The following ZNF185 variants were observed in gnomAD, a reference collection of about 807,000 sequenced individuals.
ZNF185 encodes zinc finger protein 185 with LIM domain, also known as zinc finger protein 185.
In ZNF185, 56 loss-of-function variants were observed where a neutral mutation model predicts 58.6. The observed-to-expected ratio is 0.95, with a 90% CI of 0.77 to 1.19. The LOEUF is 1.19. Among genes scored for constraint, ZNF185 ranks in the 50% most tolerant of loss-of-function variants. ZNF185 has a pLI of 0.00. For synonymous variants in ZNF185, 230 were observed against 215.9 expected, an observed-to-expected ratio of 1.07 and a Z score of -0.57; for missense variants, 627 against 573.5, an observed-to-expected ratio of 1.09 and a Z score of -0.95.
intron 16 of ZNF185, among the ~76,000 whole-genome samples, chrX:152,953,046 G>A (rs1556901434): frequency 9.1e-6 from 1 of 110,431 alleles, no homozygotes; most frequent in Non-Finnish European, 1.9e-5. Context: ...CGTCATCTGG[G>A]AGCCAAAGTT....
chrX:152,943,750 G>A lies in ZNF185; in HGVS notation c.1212-1517G>A, dbSNP rs547807729. ...AATCCTGGCTCTATCCACAGACTTG[G>A]TGAGGGCAACCTCTACTAGTGTATT... On this transcript the variant is annotated intron_variant, in intron 15 of 22. Transcript: ENST00000449285. Among the ~76,000 whole-genome samples the A allele has an allele frequency of 1.5e-3, 172 of 112,978 alleles. No individual in the cohort carries two copies. The Middle Eastern group carries it at 0.023, about 15-fold the overall frequency.
intron 17 of ZNF185, among the ~76,000 whole-genome samples, chrX:152,961,081 C>T (rs1226524400): frequency 8.9e-6 from 1 of 112,196 alleles, no homozygotes; most frequent in African/African-American, 3.2e-5. Flanking sequence ...GTCCACTTAA[C>T]TGATTTTGAC....
the ZNF185 span, among the ~76,000 whole-genome samples, chrX:152,899,892 T>G: frequency 0.018 from 2,032 of 111,369 alleles, 34 homozygotes; most frequent in African/African-American, 0.047. Context: ...ATAAACCACT[T>G]CTTGCTGAGC....
intron 11 of ZNF185, among the ~76,000 whole-genome samples, chrX:152,923,519 G>C (rs782820532): frequency 4.5e-5 from 5 of 112,339 alleles, no homozygotes; most frequent in Admixed American, 1.9e-4. Flanking sequence ...ATGTGGAAAG[G>C]AAGATTTGAG....
intron 16 of ZNF185, among the ~76,000 whole-genome samples, chrX:152,954,326 T>C (rs140488563): frequency 0.017 from 1,872 of 110,751 alleles, 50 homozygotes; most frequent in African/African-American, 0.058. Flanking sequence ...ATTGCAGCAC[T>C]TACTTAACCA....
In ZNF185 at chrX:152,952,287, T is replaced by C. The variant is rs782007065; in HGVS notation, c.1409+6823T>C. 4.4e-5 allele frequency among the ~76,000 whole-genome samples: 5 copies of C among 112,430 alleles called. No homozygotes were observed. The South Asian group carries it at 1.4e-3, about 33-fold the overall frequency. On this transcript the variant is annotated intron_variant, in intron 16 of 22. Coordinates refer to ENST00000449285, the Ensembl canonical transcript of ZNF185. Reference sequence around the variant, plus strand: ...TCTGTGAACTTGAGTTTTAAAAGCATTTGGGTTAGTTTTTATAAGAATACT... The same window carrying C: ...TCTGTGAACTTGAGTTTTAAAAGCACTTGGGTTAGTTTTTATAAGAATACT...
chrX:152,928,797 C>G lies in ZNF185; in HGVS notation c.917+136C>G, dbSNP rs1603233702. The G allele has an allele frequency of 9.9e-5, 60 of 603,761 alleles. No homozygotes were observed. In the South Asian group the frequency reaches 1.6e-3, roughly 16 times the overall value. The allele number at this position is 603,761 out of a possible 1,213,427, so 49.8% of individuals were successfully genotyped here. A position where few individuals can be genotyped will look rare whatever the true frequency, so the allele number is the denominator to read the frequency against. On this transcript the variant is annotated intron_variant, in intron 12 of 22. Transcript: ENST00000449285. ...CCAACAGGTTGATGGGAGGCATGGT[C>G]GACCTGGGTTTTCTGCCCCATCTCA...
chrX:152,941,870 C>T, intron 15 of ZNF185: 2 of 1,113,366 alleles, frequency 1.8e-6, no homozygotes, highest in Non-Finnish European at 2.4e-6. Flanking sequence ...TTTGGGGTGA[C>T]CGCGCGTGGA....
chrX:152,904,267 C>T, the ZNF185 span, among the ~76,000 whole-genome samples: 12 of 112,160 alleles, frequency 1.1e-4, no homozygotes, highest in East Asian at 1.1e-3. Flanking sequence ...GAGGCTCAGA[C>T]GGGATCCAGC....
intron 18 of ZNF185, 35 bp from the exon 21 acceptor site, chrX:152,965,412 G>A: frequency 2.6e-6 from 3 of 1,141,221 alleles, no homozygotes; most frequent in South Asian, 1.9e-5. Flanking sequence ...GAATCTTCTG[G>A]TGTACCTCTG....
At chrX:152,936,333 G>A in intron 14 of ZNF185, 85 bp from the exon 16 acceptor site, 1 of 792,457 alleles carries the variant, frequency 1.3e-6, no homozygotes, top group Non-Finnish European at 1.8e-6. Flanking sequence ...ATCATCTGTG[G>A]GGGGCAGGAT....
At position 152,953,207 on chromosome X, in the gene ZNF185, A is replaced by G. The variant is rs782329504; in HGVS notation, c.1410-6492A>G. ...ACCAAGAAAACTTCTATCCAGGACG[A>G]TTCTGGCTAAAATTGAAAAGGACCA... On this transcript the variant is annotated intron_variant, in intron 16 of 22. Coordinates refer to ENST00000449285, the Ensembl canonical transcript of ZNF185. 1.8e-4 allele frequency among the ~76,000 whole-genome samples: 20 copies of G among 111,822 alleles called. No individual in the cohort carries two copies. The South Asian group carries it at 7.6e-3, about 42-fold the overall frequency.
chrX:152,965,596 TTTCCAG>T, intron 19 of ZNF185, 69 bp downstream of exon 21: 1 of 956,740 alleles, frequency 1.0e-6, no homozygotes, highest in Non-Finnish European at 1.5e-6. Context: ...CATCCCTGCA[TTTCCAG>T]TTCCTTGTCC....
intron 19 of ZNF185, 102 bp from the exon 22 acceptor site, chrX:152,967,065 A>G: frequency 7.6e-6 from 6 of 791,343 alleles, no homozygotes; most frequent in Non-Finnish European, 9.3e-6. Context: ...CTGGCATCGT[A>G]GTTATGTCTC....
At chrX:152,951,354 C>G (rs1556899969) in intron 16 of ZNF185, among the ~76,000 whole-genome samples, 1 of 103,687 alleles carries the variant, frequency 9.6e-6, no homozygotes, top group Admixed American at 1.1e-4. Flanking sequence ...TATAAATACA[C>G]TGAATAAAAG....
intron 20 of ZNF185, among the ~76,000 whole-genome samples, chrX:152,969,016 C>G (rs782781467): frequency 8.5e-4 from 95 of 111,666 alleles, no homozygotes; most frequent in Non-Finnish European, 1.5e-3. Context: ...TGACATGTCT[C>G]CTGTAGGAGA....
At chrX:152,943,357 A>C (rs1240096990) in intron 15 of ZNF185, among the ~76,000 whole-genome samples, 4 of 112,237 alleles carry the variant, frequency 3.6e-5, no homozygotes, top group Admixed American at 1.9e-4. Context: ...AGGAGTTGAC[A>C]GTGGCTGTAT....
At chrX:152,912,321 C>T (rs782098945), upstream of ZNF185, among the ~76,000 whole-genome samples, 2 of 112,328 alleles carry the variant, frequency 1.8e-5, no homozygotes, top group South Asian at 3.6e-4. Context: ...CTGCAGGGGA[C>T]GGATGGTGTT....
chrX:152,913,239 C>G (rs2125250319), upstream of ZNF185, among the ~76,000 whole-genome samples: 1 of 112,495 alleles, frequency 8.9e-6, no homozygotes, highest in South Asian at 3.7e-4. Flanking sequence ...CCAGCACAAC[C>G]AGGGCCCTGC....
Sources: allele counts gnomAD v4.1 joint callset (sites outside exome capture counted in the v4.1 genomes callset), GRCh38; gene constraint gnomAD v4.1.1; transcripts MANE v1.5; gene names NCBI Gene and HGNC (gene_info 2026-07-23, HGNC 2026-07-21).